The following PRIM2 variants were observed in gnomAD, a reference collection of about 807,000 sequenced individuals.
PRIM2 encodes the protein DNA primase subunit 2, also known as DNA primase large subunit.
PRIM2 carries 39 observed loss-of-function variants against 67.3 expected under a neutral mutation model. The ratio of observed to expected loss-of-function variants is 0.58; its 90% CI spans 0.45 to 0.76. PRIM2 has a LOEUF of 0.76. Among genes scored for constraint, PRIM2 ranks in the 30% least tolerant of loss-of-function variants. The pLI is 0.00. For synonymous variants in PRIM2, 143 were observed against 198.7 expected, an observed-to-expected ratio of 0.72 and a Z score of 2.36; for missense variants, 398 against 598.7, an observed-to-expected ratio of 0.66 and a Z score of 3.50.
intron 7 of PRIM2, among the ~76,000 whole-genome samples, chr6:57,407,699 A>G (rs2127361162): frequency 6.6e-6 from 1 of 152,264 alleles, no homozygotes; most frequent in South Asian, 2.1e-4. Flanking sequence ...GAAACTGTGT[A>G]TTTTCTCCTT....
the PRIM2 span, among the ~76,000 whole-genome samples, chr6:57,287,415 A>G: frequency 6.6e-6 from 1 of 152,236 alleles, no homozygotes; most frequent in African/African-American, 2.4e-5. Flanking sequence ...TACACTATGG[A>G]ATACTATGCA....
At chr6:57,306,779 T>G in the PRIM2 span, among the ~76,000 whole-genome samples, 62 of 152,196 alleles carry the variant, frequency 4.1e-4, no homozygotes, top group African/African-American at 1.4e-3. Context: ...AACCACTATC[T>G]TGAATTTGAT....
chr6:57,497,822 T>G (rs1171103463), intron 7 of PRIM2: 18 of 152,286 alleles, frequency 1.2e-4, no homozygotes, highest in African/African-American at 4.3e-4. Flanking sequence ...TGTGGGCATT[T>G]GAACACTAGA....
intron 7 of PRIM2, among the ~76,000 whole-genome samples, chr6:57,392,461 T>C (rs1412993138): frequency 6.6e-6 from 1 of 152,032 alleles, no homozygotes; most frequent in Non-Finnish European, 1.5e-5. Context: ...TCCATCTGAT[T>C]CTAAAAAGTT....
At chr6:57,476,772 G>A (rs1429303561) in intron 7 of PRIM2, among the ~76,000 whole-genome samples, 4,936 of 152,020 alleles carry the variant, frequency 0.032, 263 homozygotes, top group African/African-American at 0.11. Context: ...TTTTGAGATG[G>A]GGTTCACTCT....
At chr6:57,604,080 G>A (rs1776519777) in intron 11 of PRIM2, among the ~76,000 whole-genome samples, 1 of 152,142 alleles carries the variant, frequency 6.6e-6, no homozygotes, top group African/African-American at 2.4e-5. Flanking sequence ...GTCAACACAG[G>A]TAGATCACTT....
At chr6:57,440,859 C>G (rs1008439148) in intron 7 of PRIM2, among the ~76,000 whole-genome samples, 1 of 152,116 alleles carries the variant, frequency 6.6e-6, no homozygotes, top group Non-Finnish European at 1.5e-5. Flanking sequence ...GAAGTAAGAC[C>G]TTTATGTTTG....
intron 7 of PRIM2, among the ~76,000 whole-genome samples, chr6:57,435,593 A>T (rs543818139): frequency 6.6e-6 from 1 of 152,236 alleles, no homozygotes; most frequent in Non-Finnish European, 1.5e-5. Flanking sequence ...TGTTGAAGGG[A>T]CTGAAGAATT....
chr6:57,273,232 G>A, the PRIM2 span, among the ~76,000 whole-genome samples: 3 of 152,180 alleles, frequency 2.0e-5, no homozygotes, highest in Admixed American at 6.5e-5. Flanking sequence ...TTTCCAACTT[G>A]GTTCCATTCT....
At chr6:57,416,412 A>G (rs1247389669) in intron 7 of PRIM2, among the ~76,000 whole-genome samples, 7 of 142,648 alleles carry the variant, frequency 4.9e-5, no homozygotes, top group Non-Finnish European at 7.4e-5. Context: ...TTTCTAGAGC[A>G]CAAGCAGAGT....
At chr6:57,349,314 A>G (rs1370552662) in intron 5 of PRIM2, among the ~76,000 whole-genome samples, 5 of 151,078 alleles carry the variant, frequency 3.3e-5, no homozygotes, top group East Asian at 3.9e-4. Flanking sequence ...TGAAACACCA[A>G]TGCACACACC....
chr6:57,439,689 A>G (rs1464097613), intron 7 of PRIM2, among the ~76,000 whole-genome samples: 1 of 151,946 alleles, frequency 6.6e-6, no homozygotes, highest in Non-Finnish European at 1.5e-5. Context: ...TGCCGATATT[A>G]CAGGCCTGAG....
chr6:57,373,957 A>G (rs1174026507), intron 5 of PRIM2, among the ~76,000 whole-genome samples: 2 of 152,050 alleles, frequency 1.3e-5, no homozygotes, highest in Non-Finnish European at 2.9e-5. Flanking sequence ...ATGAATTTTA[A>G]AATAGTTTTA....
intron 12 of PRIM2, among the ~76,000 whole-genome samples, chr6:57,627,302 A>AAAAAAAAAAC (rs1776966218): frequency 6.7e-6 from 1 of 148,528 alleles, no homozygotes; most frequent in Non-Finnish European, 1.5e-5. Context: ...AAAAAAAAAA[A>AAAAAAAAAAC]AAAAAAGTTT....
chr6:57,546,941 G>T, intron 10 of PRIM2, among the ~76,000 whole-genome samples: 1 of 152,244 alleles, frequency 6.6e-6, no homozygotes, highest in Admixed American at 6.5e-5. Flanking sequence ...AAAGCTCTTT[G>T]AGTTAACGCT....
At chr6:57,311,172 C>T (rs1405040165), upstream of PRIM2, among the ~76,000 whole-genome samples, 8 of 144,608 alleles carry the variant, frequency 5.5e-5, no homozygotes, top group African/African-American at 7.7e-5. Context: ...CCGGACGGGG[C>T]GGCCGGGCAG....
At chr6:57,427,742 G>A (rs1423272505) in intron 7 of PRIM2, among the ~76,000 whole-genome samples, 2 of 152,142 alleles carry the variant, frequency 1.3e-5, no homozygotes, top group African/African-American at 4.8e-5. Context: ...CTATGAATAT[G>A]TTAAGGATGA....
At chr6:57,366,636 G>A (rs887547) in intron 5 of PRIM2, among the ~76,000 whole-genome samples, 4 of 151,962 alleles carry the variant, frequency 2.6e-5, no homozygotes, top group Admixed American at 1.3e-4. Context: ...AGTGGATGTT[G>A]TGATGTCGAC....
At chr6:57,364,021 T>C (rs911694111) in intron 5 of PRIM2, among the ~76,000 whole-genome samples, 2 of 152,162 alleles carry the variant, frequency 1.3e-5, no homozygotes, top group African/African-American at 4.8e-5. Flanking sequence ...ATATTCTGTT[T>C]TGTCTGTTCT....
Sources: gnomAD v4.1 joint callset for allele counts (sites outside exome capture counted in the v4.1 genomes callset) on GRCh38, gnomAD v4.1.1 for gene constraint, MANE v1.5 for transcripts, NCBI Gene and HGNC (gene_info 2026-07-23, HGNC 2026-07-21) for gene names.